The following KCNMA1 variants were observed in gnomAD, a reference collection of about 807,000 sequenced individuals.
KCNMA1 encodes Calcium-activated potassium channel subunit alpha-1.
Under a neutral mutation model 140.0 loss-of-function variants are expected in KCNMA1, and 29 were observed. That is an observed-to-expected ratio of 0.21 (90% CI 0.15 to 0.28). KCNMA1 has a LOEUF of 0.28. Among genes scored for constraint, KCNMA1 ranks in the 10% least tolerant of loss-of-function variants. KCNMA1 has a pLI of 1.00. For synonymous variants in KCNMA1, 612 were observed against 611.9 expected (o/e 1.00, Z 0.00); for missense variants, 880 against 1,602.2 (o/e 0.55, Z 7.70).
chr10:76,927,125 A>C (rs2057953464), intron 23 of KCNMA1, among the ~76,000 whole-genome samples: 1 of 152,120 alleles, frequency 6.6e-6, no homozygotes, highest in African/African-American at 2.4e-5. Context: ...CGTGATCTCC[A>C]ACAAAATAAG....
intron 3 of KCNMA1, among the ~76,000 whole-genome samples, chr10:77,219,029 A>T (rs1222534434): frequency 1.3e-5 from 2 of 152,000 alleles, no homozygotes; most frequent in Non-Finnish European, 2.9e-5. Context: ...AGCTAGCCCA[A>T]ATTCTTTCAG....
chr10:77,370,215 A>C (rs922153638), intron 2 of KCNMA1, among the ~76,000 whole-genome samples: 5 of 152,170 alleles, frequency 3.3e-5, no homozygotes, highest in African/African-American at 1.2e-4. Context: ...AATAGATTCA[A>C]CTGCATCAAT....
At chr10:77,392,896 A>C (rs1376365152) in intron 2 of KCNMA1, among the ~76,000 whole-genome samples, 1 of 152,168 alleles carries the variant, frequency 6.6e-6, no homozygotes, top group Non-Finnish European at 1.5e-5. Context: ...GGATACGGAG[A>C]CCACAGTAAG....
chr10:77,079,289 A>G (rs2096493655), intron 13 of KCNMA1, among the ~76,000 whole-genome samples, 192 bp downstream of exon 13: 1 of 152,056 alleles, frequency 6.6e-6, no homozygotes, highest in South Asian at 2.1e-4. Flanking sequence ...AGAAAGAAAG[A>G]AAGAAATGTC....
At chr10:77,216,721 T>C (rs1384159608) in intron 3 of KCNMA1, among the ~76,000 whole-genome samples, 2 of 152,248 alleles carry the variant, frequency 1.3e-5, no homozygotes, top group Non-Finnish European at 2.9e-5. Flanking sequence ...TTATTAACCA[T>C]GAACTCATTC....
intron 2 of KCNMA1, among the ~76,000 whole-genome samples, chr10:77,328,747 C>G (rs2085177242): frequency 6.6e-6 from 1 of 152,090 alleles, no homozygotes. Flanking sequence ...TGAGACATTT[C>G]CAAGGAGAAA....
chr10:76,965,501 C>T (rs907578333), intron 20 of KCNMA1, among the ~76,000 whole-genome samples: 4 of 152,112 alleles, frequency 2.6e-5, no homozygotes, highest in African/African-American at 7.2e-5. Flanking sequence ...GTTAGGTTAC[C>T]GCCTCCTCGA....
chr10:77,131,516 C>T (rs1332583271), intron 5 of KCNMA1, among the ~76,000 whole-genome samples: 1 of 152,110 alleles, frequency 6.6e-6, no homozygotes, highest in Non-Finnish European at 1.5e-5. Flanking sequence ...AAGTTCAAAA[C>T]TGGGCAAAAC....
At chr10:76,941,063 GAAAGAA>G (rs1288149209) in intron 23 of KCNMA1, among the ~76,000 whole-genome samples, 24 of 100,962 alleles carry the variant, frequency 2.4e-4, no homozygotes, top group East Asian at 5.1e-4. Flanking sequence ...GAGAAAGAAA[GAAAGAA>G]AAAGAAAGAA....
chr10:76,988,959 G>A (rs2082023551), intron 19 of KCNMA1, among the ~76,000 whole-genome samples: 1 of 152,124 alleles, frequency 6.6e-6, no homozygotes, highest in Admixed American at 6.5e-5. Flanking sequence ...CTGGAGACCT[G>A]GCAATAACAA....
At chr10:77,578,847 T>C (rs2075036342) in intron 1 of KCNMA1, among the ~76,000 whole-genome samples, 1 of 152,226 alleles carries the variant, frequency 6.6e-6, no homozygotes, top group Admixed American at 6.5e-5. Context: ...TAACTGTCTG[T>C]ATCTCCCACT....
intron 5 of KCNMA1, among the ~76,000 whole-genome samples, chr10:77,146,412 G>GAT (rs2098292405): frequency 6.6e-6 from 1 of 152,078 alleles, no homozygotes; most frequent in African/African-American, 2.4e-5. Flanking sequence ...AAAAAATAAA[G>GAT]ATGAGAAGCT....
intron 20 of KCNMA1, among the ~76,000 whole-genome samples, chr10:76,965,951 C>T (rs1372513033): frequency 1.1e-4 from 16 of 152,322 alleles, no homozygotes; most frequent in Non-Finnish European, 2.9e-5. Flanking sequence ...TCTATTCTCA[C>T]AGCCCATGCT....
intron 12 of KCNMA1, among the ~76,000 whole-genome samples, chr10:77,081,803 T>C (rs1192721179): frequency 2.0e-5 from 3 of 152,074 alleles, no homozygotes; most frequent in African/African-American, 2.4e-5. Context: ...TCATTTCAAA[T>C]GGATCTTTGA....
At chr10:77,542,062 T>C (rs1000054025) in intron 1 of KCNMA1, among the ~76,000 whole-genome samples, 1 of 152,156 alleles carries the variant, frequency 6.6e-6, no homozygotes, top group Admixed American at 6.5e-5. Context: ...ATAAGTGGGA[T>C]TACTGCTCTA....
chr10:77,063,564 T>G (rs951898643), intron 14 of KCNMA1: 4 of 180,638 alleles, frequency 2.2e-5, no homozygotes, highest in African/African-American at 9.5e-5. Context: ...TTCCTTGTTT[T>G]GCACCCCTAG....
At chr10:76,951,151 C>A (rs577592789) in intron 21 of KCNMA1, among the ~76,000 whole-genome samples, 1 of 152,286 alleles carries the variant, frequency 6.6e-6, no homozygotes, top group African/African-American at 2.4e-5. Context: ...GTGGGGAAGG[C>A]ACAGTTAGTT....
intron 1 of KCNMA1, among the ~76,000 whole-genome samples, chr10:77,624,086 T>C (rs968698806): frequency 5.9e-5 from 9 of 152,360 alleles, no homozygotes; most frequent in African/African-American, 2.2e-4. Context: ...AAGCTGCAGT[T>C]ATCTTATCCC....
At chr10:77,268,695 G>A (rs1334649396) in intron 2 of KCNMA1, among the ~76,000 whole-genome samples, 3 of 152,098 alleles carry the variant, frequency 2.0e-5, no homozygotes, top group Non-Finnish European at 2.9e-5. Context: ...CTCACATGGG[G>A]TTCGAATGTG....
Sources: gnomAD v4.1 joint callset for allele counts (sites outside exome capture counted in the v4.1 genomes callset) on GRCh38, gnomAD v4.1.1 for gene constraint, MANE v1.5 for transcripts, NCBI Gene and HGNC (gene_info 2026-07-23, HGNC 2026-07-21) for gene names.